The following ZNF813 variants were observed in gnomAD, a reference collection of about 807,000 sequenced individuals.
The protein encoded by ZNF813 is zinc finger protein 813.
A neutral mutation model predicts 7.2 loss-of-function variants in ZNF813; 3 were observed. The ratio of observed to expected loss-of-function variants is 0.42; its 90% confidence interval spans 0.19 to 1.08. The LOEUF (loss-of-function observed/expected upper bound fraction) is 1.08. Ranked by LOEUF, ZNF813 falls within the 50% of genes least tolerant of loss-of-function variation. The probability of loss-of-function intolerance (pLI) is 0.30; values close to 1 mark genes in which losing one functional copy is unlikely to be tolerated. For synonymous variants in ZNF813, 227 were observed against 256.3 expected (o/e 0.89, Z 1.09); for missense variants, 714 against 753.3 (o/e 0.95, Z 0.61).
rs200658542 is a variant in ZNF813 at position 53,472,607 on chromosome 19, C to CTTTTTTTTTTTT, written c.-74+4821_-74+4822insTTTTTTTTTTTT. 6.1e-4 allele frequency among the ~76,000 whole-genome samples: 83 copies of CTTTTTTTTTTTT among 136,458 alleles called. 5 individuals carry two copies. Among genetic ancestry groups the CTTTTTTTTTTTT allele is most frequent in the East Asian group, 1.2e-3 (5 of 4,132 alleles). The allele number at this position is 136,458 out of a possible 152,430, so 89.5% of individuals were successfully genotyped here. A position where few individuals can be genotyped will look rare whatever the true frequency, so the allele number is the denominator to read the frequency against. ...AGATGGTCTGATTATAAGTACAAGT[C>CTTTTTTTTTTTT]TTTCTTTTTTTTTTTTTTTTTTGAG... On this transcript the variant is annotated intron_variant, in intron 1 of 3. Transcript: ENST00000396403.
chr19:53,486,224 GAGGCAGGCA>G (rs1434927077), intron 2 of ZNF813, among the ~76,000 whole-genome samples: 1 of 152,184 alleles, frequency 6.6e-6, no homozygotes, highest in Non-Finnish European at 1.5e-5. Flanking sequence ...TTGAGAGGCT[GAGGCAGGCA>G]GATCACAAGG....
chr19:53,480,925 CA>C (rs1178922340), intron 1 of ZNF813, among the ~76,000 whole-genome samples: 5 of 152,114 alleles, frequency 3.3e-5, no homozygotes, highest in Non-Finnish European at 5.9e-5. Context: ...AAGGTGGGTC[CA>C]GGGGGCCAAT....
At chr19:53,468,975 G>A (rs527369500) in intron 1 of ZNF813, among the ~76,000 whole-genome samples, 2 of 120,838 alleles carry the variant, frequency 1.7e-5, no homozygotes, top group African/African-American at 3.1e-5. Context: ...CTGTCTCAGT[G>A]GGGGGAAACT....
At chr19:53,485,591 T>C (rs867364956) in intron 2 of ZNF813, among the ~76,000 whole-genome samples, 1 of 150,652 alleles carries the variant, frequency 6.6e-6, no homozygotes, top group Non-Finnish European at 1.5e-5. Flanking sequence ...ATGACATATG[T>C]ATGTCATGAT....
At chr19:53,486,546 T>C in intron 2 of ZNF813, 86 bp from the exon 3 acceptor site, 1 of 1,608,232 alleles carries the variant, frequency 6.2e-7, no homozygotes, top group Non-Finnish European at 8.5e-7. Context: ...ATTAAATCCA[T>C]GCTTTCCCCT....
chr19:53,479,749 C>G, intron 1 of ZNF813: 2 of 1,285,254 alleles, frequency 1.6e-6, no homozygotes, highest in Non-Finnish European at 2.2e-6. Context: ...AGTTGGTGAT[C>G]ATTGAAAGAG....
intron 1 of ZNF813, among the ~76,000 whole-genome samples, chr19:53,470,368 T>A (rs74413871): frequency 1.3e-5 from 1 of 78,582 alleles, no homozygotes. Context: ...ATGCATATTT[T>A]TTTTTTAATT....
intron 1 of ZNF813, among the ~76,000 whole-genome samples, chr19:53,474,937 G>C (rs1216047702): frequency 3.3e-5 from 5 of 152,112 alleles, no homozygotes; most frequent in South Asian, 2.1e-4. Context: ...CATAGCTAAG[G>C]CTTCCTCTTT....
At chr19:53,478,939 T>A (rs1458311705) in intron 1 of ZNF813, among the ~76,000 whole-genome samples, 1 of 133,148 alleles carries the variant, frequency 7.5e-6, no homozygotes, top group Non-Finnish European at 1.6e-5. Flanking sequence ...TTGTTTTTTG[T>A]TTTTTGTGTT....
chr19:53,489,598 A>G (rs1375950920), intron 3 of ZNF813, among the ~76,000 whole-genome samples: 1 of 152,150 alleles, frequency 6.6e-6, no homozygotes, highest in Non-Finnish European at 1.5e-5. Flanking sequence ...GTGAAACTTC[A>G]TCTCGAAAAT....
At position 53,483,776 on chromosome 19, in the gene ZNF813, G is replaced by T. The variant is rs1394146631; in HGVS notation, c.-47G>T. 1 of 1,612,134 alleles carries T rather than the reference G, an allele frequency of 6.2e-7. No homozygotes were observed. The highest frequency in any genetic ancestry group is 8.5e-7 in the Non-Finnish European group (1 of 1,179,946). On this transcript the variant is annotated 5_prime_UTR_variant, in exon 2 of 4. The change abolishes an upstream ATG in the 5' untranslated region. Transcript: ENST00000396403. Reference sequence around the variant, plus strand: ...ATTGACTTCTAAAGACTCTTGGTATGTGAGGAAGAAACCTGGAAGAGGAAG... The same window carrying T: ...ATTGACTTCTAAAGACTCTTGGTATTTGAGGAAGAAACCTGGAAGAGGAAG...
chr19:53,482,633 TG>T (rs916081881), intron 1 of ZNF813, among the ~76,000 whole-genome samples: 4 of 150,798 alleles, frequency 2.7e-5, no homozygotes, highest in African/African-American at 4.9e-5. Flanking sequence ...CCCCATCTGA[TG>T]TTCCCTCTGC....
chr19:53,471,022 G>A (rs1333508976), intron 1 of ZNF813, among the ~76,000 whole-genome samples: 1 of 152,106 alleles, frequency 6.6e-6, no homozygotes, highest in Non-Finnish European at 1.5e-5. Flanking sequence ...CCAGGTAGCT[G>A]GCCTAGAGTA....
At chr19:53,469,724 T>G in intron 1 of ZNF813, among the ~76,000 whole-genome samples, 1 of 19,940 alleles carries the variant, frequency 5.0e-5, no homozygotes, top group South Asian at 7.1e-4. Context: ...CAGAGCAGAG[T>G]GGTGCTGGTG....
chr19:53,479,462 G>C, intron 1 of ZNF813: 1 of 1,507,772 alleles, frequency 6.6e-7, no homozygotes, highest in South Asian at 1.1e-5. Flanking sequence ...GAGAGAGAAA[G>C]GTGGGCCCGG....
chr19:53,493,203 C>A lies in ZNF813; in HGVS notation c.*1117C>A. 1 of 179,118 alleles carries A rather than the reference C, an allele frequency of 5.6e-6. No individual in the cohort carries two copies. Among genetic ancestry groups the A allele is most frequent in the Non-Finnish European group, 1.2e-5 (1 of 84,792 alleles). The allele number at this position is 179,118 out of a possible 1,614,324, so 11.1% of individuals were successfully genotyped here. A position where few individuals can be genotyped will look rare whatever the true frequency, so the allele number is the denominator to read the frequency against. On this transcript the variant is annotated 3_prime_UTR_variant, in exon 4 of 4. Transcript: ENST00000396403. The stretch of plus-strand genomic sequence containing the variant: ...GTCAGGAGTTTCAGATCAGTCTGGC[C>A]AACAAACATGAGCCACTTTTCCCAG...
chr19:53,482,702 A>C, intron 1 of ZNF813, among the ~76,000 whole-genome samples: 1 of 139,004 alleles, frequency 7.2e-6, no homozygotes, highest in African/African-American at 2.7e-5. Context: ...TCACATCAGG[A>C]ATGCTTTTTG....
chr19:53,479,696 A>C (rs1266429220), intron 1 of ZNF813: 2 of 1,165,042 alleles, frequency 1.7e-6, no homozygotes, highest in Non-Finnish European at 2.5e-6. Flanking sequence ...AGCTAAGCAC[A>C]TTGCAGATGA....
At chr19:53,488,268 C>T (rs1181942524) in intron 3 of ZNF813, 1 of 455,558 alleles carries the variant, frequency 2.2e-6, no homozygotes, top group Non-Finnish European at 4.4e-6. Flanking sequence ...GGTGATCCAT[C>T]AACCTCAGCC....
Sources: allele counts gnomAD v4.1 joint callset (sites outside exome capture counted in the v4.1 genomes callset), GRCh38; gene constraint gnomAD v4.1.1; transcripts MANE v1.5; gene names NCBI Gene and HGNC (gene_info 2026-07-23, HGNC 2026-07-21).